The following SRRM2 variants were observed in gnomAD, a reference collection of about 807,000 sequenced individuals.
SRRM2 encodes the protein serine/arginine repetitive matrix protein 2.
SRRM2 carries 30 observed loss-of-function variants against 213.8 expected under a neutral mutation model. The observed-to-expected ratio is 0.14, with a 90% CI of 0.10 to 0.19. SRRM2 has a LOEUF of 0.19. Ranked by LOEUF, SRRM2 falls within the 10% of genes least tolerant of loss-of-function variation. SRRM2 has a pLI of 1.00. For synonymous variants in SRRM2, 2,025 were observed against 1,377.7 expected (o/e 1.47, Z -10.40); for missense variants, 4,904 against 3,647.0 (o/e 1.34, Z -8.88).
Position 2,757,521 on chromosome 16 carries a change from T to A in SRRM2, c.292T>A (p.Leu98Met). Residue 98 changes from leucine to methionine, a missense_variant, in exon 3 of 15, where the codon TTG becomes ATG. By Grantham distance (15) the Leu-to-Met change is conservative. Transcript: ENST00000301740. ...AAAAGTGGCGACCTTTCGACTCATG[T>A]TGCTGGAGAAGGATGTGAACCCTGG... ...QEKVATFRLM[L>M]LEKDVNPGGK... The A allele has an allele frequency of 6.2e-7, 1 of 1,614,082 alleles. No individual in the cohort carries two copies.
Position 2,757,918 on chromosome 16 carries a change from C to T in SRRM2, c.488C>T (p.Pro163Leu), listed in dbSNP as rs755084603. 1.2e-5 allele frequency: 20 copies of T among 1,614,006 alleles called. No individual in the cohort carries two copies. The highest frequency in any genetic ancestry group is 1.7e-6 in the Non-Finnish European group (2 of 1,180,032). Residue 163 changes from proline (P) to leucine (L), a missense_variant, in exon 4 of 15, where the codon CCA becomes CTA. Pro to Leu is a moderately conservative substitution (Grantham distance 98, BLOSUM62 -3). Transcript: ENST00000301740. ...PQRRAREAKQ[P>L]APEPPKPYSL... Reference sequence around the variant, plus strand: ...CGTCGTGCCCGAGAAGCTAAACAACCAGCTCCTGAGCCTCCCAAACCTTAC... The same window carrying T: ...CGTCGTGCCCGAGAAGCTAAACAACTAGCTCCTGAGCCTCCCAAACCTTAC...
At position 2,768,064 on chromosome 16, in the gene SRRM2, T is replaced by C; in HGVS notation, c.7536T>C (p.Ser2512=). 1 of 1,614,164 alleles carries C rather than the reference T, an allele frequency of 6.2e-7. No individual in the cohort carries two copies. The highest frequency in any genetic ancestry group is 8.5e-7 in the Non-Finnish European group (1 of 1,180,002). Residue 2512 remains serine, a synonymous_variant, in exon 11 of 15, where the codon TCT becomes TCC. Transcript: ENST00000301740. ...CTGATGTGGGGGAGCCACCTGCCTCTACTGGGGCCCAGCAGCCTTCTGCAT... is the reference window on the plus strand; with the variant it reads ...CTGATGTGGGGGAGCCACCTGCCTCCACTGGGGCCCAGCAGCCTTCTGCAT... ...PHSDVGEPPA[S]TGAQQPSALA... is the part of the protein sequence containing the mutation.
chr16:2,760,281 T>G lies in SRRM2; in HGVS notation c.834-20T>G. 2 of 1,609,048 alleles carry G rather than the reference T, an allele frequency of 1.2e-6. No individual in the cohort carries two copies. The highest frequency in any genetic ancestry group is 1.7e-6 in the Non-Finnish European group (2 of 1,178,622). On this transcript the variant is annotated intron_variant, in intron 9 of 14. Transcript: ENST00000301740. Reference sequence around the variant, plus strand: ...GAGCTGATTTCCTTCCTCTCCCACGTCCTCAATTAACTCCTGCAGGTCTCG... The same window carrying G: ...GAGCTGATTTCCTTCCTCTCCCACGGCCTCAATTAACTCCTGCAGGTCTCG...
chr16:2,765,607 A>G lies in SRRM2; in HGVS notation c.5079A>G (p.Ser1693=), dbSNP rs142684862. The stretch of plus-strand genomic sequence containing the variant: ...CACCTCGACGTCGCAGCTCTCGATC[A>G]TCTCCGGAGCTAACAAGGAAGGCCA... ...RTPPRRRSSR[S]SPELTRKARL... The change falls in exon 11 of 15, where the codon TCA becomes TCG. Residue 1693 remains serine (S), a synonymous_variant. Transcript: ENST00000301740. 118 of 1,614,118 alleles carry G rather than the reference A, an allele frequency of 7.3e-5. No individual in the cohort carries two copies. In the African/African-American group the frequency reaches 9.9e-4, roughly 13 times the overall value.
Position 2,767,770 on chromosome 16 carries a change from A to G in SRRM2, c.7242A>G (p.Pro2414=), listed in dbSNP as rs1296722430. The part of the protein sequence containing the change: ...RARSRTPPSA[P]SQSRMTSERA... ...GGTCCAGAACACCACCGTCTGCCCC[A>G]AGCCAATCTAGGATGACCTCTGAAC... is the stretch of plus-strand genomic sequence containing the variant. The change falls in exon 11 of 15, where the codon CCA becomes CCG. Residue 2414 remains proline, a synonymous_variant. Coordinates refer to ENST00000301740, the MANE Select transcript of SRRM2 (RefSeq NM_016333.4). 1.9e-6 allele frequency: 3 copies of G among 1,611,986 alleles called. No individual in the cohort carries two copies. The South Asian group carries it at 3.3e-5, about 18-fold the overall frequency.
chr16:2,767,996 C>T lies in SRRM2; in HGVS notation c.7468C>T (p.His2490Tyr), dbSNP rs368630091. 6.2e-7 allele frequency: 1 copy of T among 1,614,190 alleles called. No individual in the cohort carries two copies. Among genetic ancestry groups the T allele is most frequent in the Non-Finnish European group, 8.5e-7 (1 of 1,180,042 alleles). Reference protein sequence around the residue: ...VATTTSSAGDHNGMLSVPAPG... With the variant: ...VATTTSSAGDYNGMLSVPAPG... Reference sequence around the variant, plus strand: ...AACGACCACGTCCTCTGCTGGTGATCACAATGGCATGCTCTCTGTCCCTGC... The same window carrying T: ...AACGACCACGTCCTCTGCTGGTGATTACAATGGCATGCTCTCTGTCCCTGC... The change falls in exon 11 of 15, where the codon CAC (histidine) becomes TAC (tyrosine). Residue 2490 changes from histidine to tyrosine, a missense_variant. Physicochemically the swap from His to Tyr is moderately conservative, Grantham distance 83. Transcript: ENST00000301740.
In SRRM2 at chr16:2,771,017, TTTTTTC is replaced by T. The variant is rs1201330000; in HGVS notation, c.*154_*159del. 2 of 895,600 alleles carry T rather than the reference TTTTTTC, an allele frequency of 2.2e-6. No individual in the cohort carries two copies. Among genetic ancestry groups the T allele is most frequent in the Admixed American group, 5.7e-5 (2 of 35,068 alleles). The allele number at this position is 895,600 out of a possible 1,614,324, so 55.5% of individuals were successfully genotyped here. A position where few individuals can be genotyped will look rare whatever the true frequency, so the allele number is the denominator to read the frequency against. ...GAGGGCTCCCTTTCCCTCCCCTTTT[TTTTTTC>T]TTTGTTCCTGTGAAATGTTAATCTC... On this transcript the variant is annotated 3_prime_UTR_variant, in exon 15 of 15. Coordinates refer to ENST00000301740, the MANE Select transcript of SRRM2 (RefSeq NM_016333.4).
In SRRM2 at chr16:2,771,203, G is replaced by A; in HGVS notation, c.*336G>A. The stretch of plus-strand genomic sequence containing the variant: ...CACTTGTATCCAGAAGTTCCCAGGG[G>A]TGATTGTGATGGTGGTTGGGACTGG... On this transcript the variant is annotated 3_prime_UTR_variant, in exon 15 of 15. Coordinates refer to ENST00000301740, the MANE Select transcript of SRRM2 (RefSeq NM_016333.4). 4.6e-6 allele frequency: 3 copies of A among 649,708 alleles called. No individual in the cohort carries two copies. Among genetic ancestry groups the A allele is most frequent in the Non-Finnish European group, 8.1e-6 (3 of 370,610 alleles). The allele number at this position is 649,708 out of a possible 1,614,324, so 40.2% of individuals were successfully genotyped here.
rs994500776 is a variant in SRRM2 at position 2,764,215 on chromosome 16, G to T, written c.3687G>T (p.Leu1229Phe). 1.9e-6 allele frequency: 3 copies of T among 1,614,082 alleles called. No homozygotes were observed. In the Admixed American group the frequency reaches 5.0e-5, roughly 27 times the overall value. The change falls in exon 11 of 15, where the codon TTG becomes TTT. Residue 1229 changes from leucine (L) to phenylalanine (F), a missense_variant. Transcript: ENST00000301740. ...AAACAAAAGAGCAAAATAGTGCATT[G>T]CCTACGTCAAGCCAAGATGAAGAGT... The part of the protein sequence containing the change: ...SPETKEQNSA[L>F]PTSSQDEELM...
rs759336536 is a variant in SRRM2, at chr16:2,770,453, G to C, written c.8123G>C (p.Arg2708Pro). ...CGTCCCTCGCCCCAGCCCTCACCAC[G>C]GGACCAGCAGAGGTAAGGCCAACTG... Reference protein sequence around the residue: ...RRRPSPQPSPRDQQSSSSERG... With the variant: ...RRRPSPQPSPPDQQSSSSERG... The change falls in exon 13 of 15, where the codon CGG becomes CCG. Residue 2708 changes from arginine to proline, a missense_variant. Transcript: ENST00000301740. 1.2e-6 allele frequency: 2 copies of C among 1,607,364 alleles called. No individual in the cohort carries two copies. Among genetic ancestry groups the C allele is most frequent in the African/African-American group, 1.3e-5 (1 of 74,824 alleles).
intron 14 of SRRM2, 42 bp downstream of exon 14, chr16:2,770,759 T>C: frequency 6.3e-7 from 1 of 1,598,252 alleles, no homozygotes; most frequent in East Asian, 2.2e-5. Context: ...CGGGAGCCAG[T>C]TGTGGTGGTG....
At position 2,764,055 on chromosome 16, in the gene SRRM2, C is replaced by G. The variant is rs147634161; in HGVS notation, c.3527C>G (p.Ala1176Gly). 3.9e-4 allele frequency: 626 copies of G among 1,614,116 alleles called. 1 individual carries two copies. The African/African-American group carries it at 5.2e-3, about 13-fold the overall frequency. The part of the protein sequence containing the change: ...EKMALPPQED[A>G]TASPPRQKDK... ...ATGGCCTTACCCCCTCAGGAGGATG[C>G]TACTGCATCACCTCCTAGACAGAAA... Residue 1176 changes from alanine to glycine, a missense_variant, in exon 11 of 15, where the codon GCT (alanine) becomes GGT (glycine). Transcript: ENST00000301740.
chr16:2,769,670 T>C (rs1596296438), intron 12 of SRRM2: 1 of 518,750 alleles, frequency 1.9e-6, no homozygotes, highest in Non-Finnish European at 3.7e-6. Flanking sequence ...CTCTTCCACA[T>C]GTAGCCAGAG....
chr16:2,760,687 A>G lies in SRRM2; in HGVS notation c.1032+188A>G. Reference sequence around the variant, plus strand: ...GTGTTGTTACTAGACTGAATTGTGAACCCTTTAGAATCAAATCTCACTGGA... The same window carrying G: ...GTGTTGTTACTAGACTGAATTGTGAGCCCTTTAGAATCAAATCTCACTGGA... On this transcript the variant is annotated intron_variant, in intron 10 of 14. Coordinates refer to ENST00000301740, the MANE Select transcript of SRRM2 (RefSeq NM_016333.4). The G allele has an allele frequency of 1.1e-5, 7 of 623,312 alleles. No homozygotes were observed. The South Asian group carries it at 1.4e-4, about 13-fold the overall frequency. The allele number at this position is 623,312 out of a possible 1,614,324, so 38.6% of individuals were successfully genotyped here. A position where few individuals can be genotyped will look rare whatever the true frequency, so the allele number is the denominator to read the frequency against.
intron 1 of SRRM2, among the ~76,000 whole-genome samples, chr16:2,755,406 T>C (rs890798581): frequency 1.3e-5 from 2 of 151,942 alleles, no homozygotes; most frequent in Admixed American, 6.6e-5. Context: ...GTAGAGAGGG[T>C]TTCTACATAG....
rs755943958 is a variant in SRRM2 at position 2,767,807 on chromosome 16, C to T, written c.7279C>T (p.Pro2427Ser). The T allele has an allele frequency of 6.2e-7, 1 of 1,614,040 alleles. No homozygotes were observed. ...SRMTSERAPS[P>S]SSRMGQAPSQ... is the part of the protein sequence containing the mutation. ...GATGACCTCTGAACGGGCTCCCTCCCCTTCCTCTAGAATGGGCCAGGCTCC... is the reference window on the plus strand; with the variant it reads ...GATGACCTCTGAACGGGCTCCCTCCTCTTCCTCTAGAATGGGCCAGGCTCC... Residue 2427 changes from proline (P) to serine (S), a missense_variant, in exon 11 of 15, where the codon CCT becomes TCT. Coordinates refer to ENST00000301740, the MANE Select transcript of SRRM2 (RefSeq NM_016333.4).
intron 5 of SRRM2, 76 bp from the exon 6 acceptor site, chr16:2,758,909 T>C: frequency 6.4e-7 from 1 of 1,557,424 alleles, no homozygotes; most frequent in Non-Finnish European, 8.8e-7. Flanking sequence ...AGAAACCTTT[T>C]TAGGAGAGAG....
intron 1 of SRRM2, among the ~76,000 whole-genome samples, chr16:2,755,852 A>T (rs1200767831): frequency 2.6e-5 from 4 of 152,088 alleles, no homozygotes; most frequent in African/African-American, 9.7e-5. Context: ...TTGGACATGG[A>T]CTAGAGGCCG....
In SRRM2 at chr16:2,759,592, C is replaced by T. The variant is rs2068267394; in HGVS notation, c.764C>T (p.Pro255Leu). The change falls in exon 9 of 15, where the codon CCC becomes CTC. Residue 255 changes from proline (P) to leucine (L), a missense_variant. By Grantham distance (98) the Pro-to-Leu change is moderately conservative (BLOSUM62 -3). Coordinates refer to ENST00000301740, the MANE Select transcript of SRRM2 (RefSeq NM_016333.4). Reference sequence around the variant, plus strand: ...AGGTCTCGAAGTACAACACCAGCCCCCAAGAGCCGCCGGGCCCACCGTTCA... The same window carrying T: ...AGGTCTCGAAGTACAACACCAGCCCTCAAGAGCCGCCGGGCCCACCGTTCA... ...RKRSRSTTPA[P>L]KSRRAHRSTS... 6 of 1,613,998 alleles carry T rather than the reference C, an allele frequency of 3.7e-6. No individual in the cohort carries two copies. The highest frequency in any genetic ancestry group is 1.3e-5 in the African/African-American group (1 of 74,880).
Sources: gnomAD v4.1 joint callset for allele counts (sites outside exome capture counted in the v4.1 genomes callset) on GRCh38, gnomAD v4.1.1 for gene constraint, MANE v1.5 for transcripts, NCBI Gene and HGNC (gene_info 2026-07-23, HGNC 2026-07-21) for gene names.